Variants in POLR2B observed in about 807,000 individuals in gnomAD.
The protein encoded by POLR2B is DNA-directed RNA polymerase II subunit RPB2.
In POLR2B, 57 loss-of-function variants were observed where a neutral mutation model predicts 144.6. The observed-to-expected ratio is 0.39, with a 90% CI of 0.32 to 0.49. POLR2B has a LOEUF of 0.49. Ranked by LOEUF, POLR2B falls within the 20% of genes least tolerant of loss-of-function variation. The pLI, the probability that POLR2B is intolerant of heterozygous loss-of-function variation, is 0.83. For missense variants in POLR2B, 595 were observed against 1,467.4 expected, an observed-to-expected ratio of 0.41 and a Z score of 9.71; for synonymous variants, 442 against 469.8, an observed-to-expected ratio of 0.94 and a Z score of 0.77.
intron 6 of POLR2B, among the ~76,000 whole-genome samples, chr4:56,998,107 G>T (rs1722745166): frequency 6.6e-6 from 1 of 152,244 alleles, no homozygotes; most frequent in African/African-American, 2.4e-5. Flanking sequence ...TTTGTATTCT[G>T]AGGTTCCAGG....
chr4:57,013,285 G>A (rs897824338), intron 13 of POLR2B, among the ~76,000 whole-genome samples: 2 of 151,952 alleles, frequency 1.3e-5, no homozygotes, highest in Non-Finnish European at 2.9e-5. Flanking sequence ...CCTGGCCCTG[G>A]GTTTTGACCC....
intron 1 of POLR2B, among the ~76,000 whole-genome samples, chr4:56,982,760 A>G (rs1276490652): frequency 3.9e-5 from 6 of 152,148 alleles, no homozygotes; most frequent in Non-Finnish European, 5.9e-5. Context: ...CCTAGGGTAT[A>G]TAACAGTGCC....
intron 3 of POLR2B, among the ~76,000 whole-genome samples, chr4:56,992,806 C>T (rs1722563379): frequency 6.6e-6 from 1 of 151,600 alleles, no homozygotes; most frequent in African/African-American, 2.4e-5. Context: ...TCATGATCTG[C>T]CCTCCTTGGC....
Position 57,015,654 on chromosome 4 carries a change from T to G in POLR2B, c.1953T>G (p.Tyr651Ter). The G allele has an allele frequency of 7.2e-7, 1 of 1,395,782 alleles. No homozygotes were observed. Among genetic ancestry groups the G allele is most frequent in the Non-Finnish European group, 9.5e-7 (1 of 1,048,286 alleles). The allele number at this position is 1,395,782 out of a possible 1,614,324, so 86.5% of individuals were successfully genotyped here. A position where few individuals can be genotyped will look rare whatever the true frequency, so the allele number is the denominator to read the frequency against. ...DQLKEREYNN[Y>*]SWQDLVASGV... is the part of the protein sequence containing the mutation. ...TGAAAGAGAGAGAATATAACAACTATAGGTAAAAACATGCAGTGAGAAAAA... is the reference window on the plus strand; with the variant it reads ...TGAAAGAGAGAGAATATAACAACTAGAGGTAAAAACATGCAGTGAGAAAAA... Residue 651 changes from tyrosine to a stop codon, truncating the protein, a stop_gained and splice_region_variant, in exon 14 of 25, where the codon TAT becomes TAG. Coordinates refer to ENST00000314595, the MANE Select transcript of POLR2B (RefSeq NM_000938.3). LOFTEE classifies it high-confidence loss of function.
chr4:57,022,515 G>C (rs894593734), intron 18 of POLR2B, among the ~76,000 whole-genome samples: 2 of 152,160 alleles, frequency 1.3e-5, no homozygotes, highest in African/African-American at 4.8e-5. Flanking sequence ...TAGGAAATCA[G>C]AGAGGTCATG....
At chr4:56,997,826 T>G (rs998874395) in intron 6 of POLR2B, among the ~76,000 whole-genome samples, 4 of 152,200 alleles carry the variant, frequency 2.6e-5, no homozygotes, top group Non-Finnish European at 5.9e-5. Flanking sequence ...GGGGCCCATT[T>G]CCAAATCTGC....
chr4:56,999,460 T>C (rs1054520925), intron 6 of POLR2B, among the ~76,000 whole-genome samples, 157 bp from the exon 7 acceptor site: 1 of 152,096 alleles, frequency 6.6e-6, no homozygotes, highest in African/African-American at 2.4e-5. Context: ...TCGGTGGTTT[T>C]GAAAAGCAGT....
chr4:57,024,185 C>T, intron 21 of POLR2B, 73 bp downstream of exon 21: 2 of 757,278 alleles, frequency 2.6e-6, no homozygotes, highest in East Asian at 5.5e-5. Flanking sequence ...TGATTGCTCT[C>T]ACATTTGAGC....
chr4:56,980,173 G>A (rs1300373393), intron 1 of POLR2B, among the ~76,000 whole-genome samples: 1 of 150,062 alleles, frequency 6.7e-6, no homozygotes, highest in African/African-American at 2.5e-5. Context: ...CCATCTGCCT[G>A]TCTCGGCCTC....
intron 1 of POLR2B, among the ~76,000 whole-genome samples, chr4:56,980,218 G>A (rs1479879243): frequency 2.0e-5 from 3 of 151,562 alleles, no homozygotes; most frequent in African/African-American, 7.3e-5. Context: ...GAGCCAATGT[G>A]CCCAGCCAAA....
chr4:56,994,996 T>G, intron 5 of POLR2B, 130 bp downstream of exon 5: 2 of 682,386 alleles, frequency 2.9e-6, no homozygotes, highest in Non-Finnish European at 4.8e-6. Context: ...GTTGACTTGT[T>G]TAGGGTATGA....
In POLR2B at chr4:57,013,911, C is replaced by T. The variant is rs987658482; in HGVS notation, c.1801-1591C>T. ...TCGCTTAAAGCTAGGAATTTAGGAC[C>T]AACCACCCTGGGCAACATATCAAGA... On this transcript the variant is annotated intron_variant, in intron 13 of 24. Coordinates refer to ENST00000314595, the MANE Select transcript of POLR2B (RefSeq NM_000938.3). Among the ~76,000 whole-genome samples the T allele has an allele frequency of 7.4e-5, 11 of 149,158 alleles. No individual in the cohort carries two copies. The East Asian group carries it at 7.9e-4, about 11-fold the overall frequency.
intron 2 of POLR2B, among the ~76,000 whole-genome samples, chr4:56,987,915 C>T (rs1048272451): frequency 3.3e-5 from 5 of 151,556 alleles, no homozygotes; most frequent in Admixed American, 1.3e-4. Flanking sequence ...GCATGTTGTC[C>T]AGAATCTTAC....
At chr4:56,994,594 T>G (rs979728652) in intron 4 of POLR2B, 53 bp from the exon 5 acceptor site, 2 of 1,455,960 alleles carry the variant, frequency 1.4e-6, no homozygotes, top group African/African-American at 2.8e-5. Context: ...ACTTGAGGAT[T>G]TGTTTTAACA....
chr4:57,010,354 T>C lies in POLR2B; in HGVS notation c.1405-7T>C, dbSNP rs569712162. 1 of 1,612,744 alleles carries C rather than the reference T, an allele frequency of 6.2e-7. No homozygotes were observed. Among genetic ancestry groups the C allele is most frequent in the African/African-American group, 1.3e-5 (1 of 74,934 alleles). ...CCAGACTTTAAAGATTGGCTATTTT[T>C]TTCTAGGTGTTAAACCGCCTGACTT... On this transcript the variant is annotated splice_region_variant and splice_polypyrimidine_tract_variant and intron_variant, in intron 10 of 24. Coordinates refer to ENST00000314595, the MANE Select transcript of POLR2B (RefSeq NM_000938.3).
chr4:56,996,279 T>TATATATA (rs1553910018), intron 6 of POLR2B, among the ~76,000 whole-genome samples: 5 of 39,434 alleles, frequency 1.3e-4, no homozygotes, highest in South Asian at 9.5e-4. Context: ...TATATATATA[T>TATATATA]TTTTTTTTTT....
chr4:57,005,838 C>G (rs1723004236), intron 9 of POLR2B, 119 bp downstream of exon 9: 1 of 866,314 alleles, frequency 1.2e-6, no homozygotes. Context: ...ATGAAATTAG[C>G]TACATTCTTA....
chr4:56,983,583 G>T (rs527372914), intron 1 of POLR2B, among the ~76,000 whole-genome samples: 1 of 151,954 alleles, frequency 6.6e-6, no homozygotes, highest in East Asian at 1.9e-4. Context: ...TGCTGGCCAG[G>T]CTGCTCTCAA....
At chr4:56,993,336 G>A (rs1722581016) in intron 3 of POLR2B, among the ~76,000 whole-genome samples, 1 of 152,076 alleles carries the variant, frequency 6.6e-6, no homozygotes, top group Non-Finnish European at 1.5e-5. Context: ...CAAAACAAAA[G>A]AGACTGGAGG....
Sources: gnomAD v4.1 joint callset for allele counts (sites outside exome capture counted in the v4.1 genomes callset) on GRCh38, gnomAD v4.1.1 for gene constraint, MANE v1.5 for transcripts, NCBI Gene and HGNC (gene_info 2026-07-23, HGNC 2026-07-21) for gene names.